Variants in SRSF9 observed in about 807,000 individuals in gnomAD.
SRSF9 encodes the protein serine and arginine rich splicing factor 9.
A neutral mutation model predicts 25.9 loss-of-function variants in SRSF9; 3 were observed. That is an observed-to-expected ratio of 0.12 (90% CI 0.05 to 0.30). The LOEUF (loss-of-function observed/expected upper bound fraction) is 0.30. SRSF9 is among the 10% of genes least tolerant of loss of function. SRSF9 has a pLI of 1.00. For missense variants in SRSF9, 161 were observed against 303.5 expected (o/e 0.53, Z 3.49); for synonymous variants, 114 against 113.2 (o/e 1.01, Z -0.05).
intron 3 of SRSF9, chr12:120,463,089 A>G (rs1198882449): frequency 6.6e-6 from 1 of 150,796 alleles, no homozygotes; most frequent in East Asian, 1.9e-4. Flanking sequence ...TAAATCTCAT[A>G]GTAAGGCAGG....
intron 1 of SRSF9, among the ~76,000 whole-genome samples, chr12:120,468,716 G>A (rs989897232): frequency 2.0e-5 from 3 of 152,228 alleles, no homozygotes; most frequent in African/African-American, 4.8e-5. Flanking sequence ...TTTCCGGCCT[G>A]AGGGCCGACG....
At chr12:120,468,563 C>T (rs1878542497) in intron 1 of SRSF9, among the ~76,000 whole-genome samples, 1 of 152,208 alleles carries the variant, frequency 6.6e-6, no homozygotes, top group South Asian at 2.1e-4. Flanking sequence ...AGGTCGGACA[C>T]CCTACGAACA....
At chr12:120,464,963 G>A (rs1878450564) in intron 2 of SRSF9, 1 of 152,162 alleles carries the variant, frequency 6.6e-6, no homozygotes. Context: ...TTAAGCACAT[G>A]GGAGTATGCT....
chr12:120,467,459 C>CCGCT (rs142715499), intron 1 of SRSF9, among the ~76,000 whole-genome samples: 3,537 of 152,188 alleles, frequency 0.023, 137 homozygotes, highest in African/African-American at 0.08. Context: ...TGAGACTGTG[C>CCGCT]CGCTACACTC....
In SRSF9 at chr12:120,465,807, CA is replaced by C. The variant is rs750811244; in HGVS notation, c.189-21del. 3.7e-5 allele frequency: 57 copies of C among 1,557,140 alleles called. No homozygotes were observed. The highest frequency in any genetic ancestry group is 3.4e-4 in the South Asian group (27 of 79,922). ...GCATCTCTAAAAAAAACAACAACAA[CA>C]AAAAAAACGTTTGGAGTTAGTGCTG... On this transcript the variant is annotated intron_variant, in intron 1 of 3. Coordinates refer to ENST00000229390, the MANE Select transcript of SRSF9 (RefSeq NM_003769.3).
At chr12:120,462,235 C>A (rs1268969921) in intron 3 of SRSF9, 73 bp from the exon 4 acceptor site, 9 of 1,487,924 alleles carry the variant, frequency 6.0e-6, no homozygotes, top group Non-Finnish European at 7.3e-6. Flanking sequence ...AAACCAACAT[C>A]TAACAATAAT....
chr12:120,463,796 A>C, intron 3 of SRSF9, 154 bp downstream of exon 3: 1 of 809,630 alleles, frequency 1.2e-6, no homozygotes, highest in Non-Finnish European at 1.9e-6. Flanking sequence ...TGAAGGACTT[A>C]GGCATAGCAA....
intron 1 of SRSF9, 102 bp downstream of exon 1, chr12:120,469,320 G>GCCTCA: frequency 1.4e-6 from 1 of 738,994 alleles, no homozygotes; most frequent in Non-Finnish European, 2.1e-6. Flanking sequence ...GGAGGCGGGG[G>GCCTCA]GAGGGGAGGC....
At chr12:120,462,619 CT>C (rs1878381427) in intron 3 of SRSF9, 1 of 153,054 alleles carries the variant, frequency 6.5e-6, no homozygotes, top group South Asian at 2.0e-4. Context: ...GAGCTAGATG[CT>C]TTAGACGTTA....
At chr12:120,467,950 C>A (rs985552708) in intron 1 of SRSF9, among the ~76,000 whole-genome samples, 7 of 134,164 alleles carry the variant, frequency 5.2e-5, no homozygotes, top group Non-Finnish European at 1.1e-4. Context: ...GAAAAATCAG[C>A]CAGGCATGAT....
At chr12:120,463,686 A>T (rs1353561401) in intron 3 of SRSF9, 1 of 320,190 alleles carries the variant, frequency 3.1e-6, no homozygotes, top group African/African-American at 2.1e-5. Context: ...CCAGGTTACA[A>T]ATACCATGAC....
chr12:120,466,879 T>C (rs78146063), intron 1 of SRSF9, among the ~76,000 whole-genome samples: 3,837 of 152,288 alleles, frequency 0.025, 163 homozygotes, highest in African/African-American at 0.087. Context: ...GGAGAACTAT[T>C]TTTGTCAAAA....
Position 120,461,798 on chromosome 12 carries a change from A to G in SRSF9, c.*221T>C. On this transcript the variant is annotated 3_prime_UTR_variant, in exon 4 of 4. Coordinates refer to ENST00000229390, the MANE Select transcript of SRSF9 (RefSeq NM_003769.3). The stretch of plus-strand genomic sequence containing the variant: ...TTTTTCCCATAATCAGGGGTGAAAA[A>G]TATACAACTTGTTTCTGAACCAAAA... 1 of 435,064 alleles carries G rather than the reference A, an allele frequency of 2.3e-6. No homozygotes were observed. Among genetic ancestry groups the G allele is most frequent in the Non-Finnish European group, 3.9e-6 (1 of 256,856 alleles). 27.0% of individuals were successfully genotyped at this position (435,064 alleles called of 1,614,324 possible).
At chr12:120,466,022 TG>T (rs1263287473) in intron 1 of SRSF9, among the ~76,000 whole-genome samples, 2 of 152,132 alleles carry the variant, frequency 1.3e-5, no homozygotes, top group Non-Finnish European at 2.9e-5. Context: ...GAAATTATAA[TG>T]AATGAGCAAA....
intron 1 of SRSF9, 122 bp from the exon 2 acceptor site, chr12:120,465,909 A>C (rs1411900097): frequency 1.1e-6 from 1 of 944,126 alleles, no homozygotes; most frequent in Non-Finnish European, 1.5e-6. Flanking sequence ...GTGAAGAAAA[A>C]AACACACAAA....
chr12:120,466,872 G>A (rs374405778), intron 1 of SRSF9, among the ~76,000 whole-genome samples: 25 of 152,290 alleles, frequency 1.6e-4, no homozygotes, highest in African/African-American at 5.5e-4. Context: ...ATGGTTTGGA[G>A]AACTATTTTT....
chr12:120,466,160 C>T (rs1878477911), intron 1 of SRSF9, among the ~76,000 whole-genome samples: 1 of 152,212 alleles, frequency 6.6e-6, no homozygotes, highest in South Asian at 2.1e-4. Context: ...AAGCACACCA[C>T]ACACTAACCC....
chr12:120,463,917 G>A, intron 3 of SRSF9, 33 bp downstream of exon 3: 1 of 1,574,320 alleles, frequency 6.4e-7, no homozygotes, highest in Non-Finnish European at 8.6e-7. Context: ...AGTGATTTGA[G>A]TACAAGCTCC....
intron 2 of SRSF9, chr12:120,465,371 C>T (rs565037556): frequency 6.3e-6 from 2 of 316,806 alleles, no homozygotes; most frequent in Non-Finnish European, 1.1e-5. Flanking sequence ...GTTTTCCCAT[C>T]ATCTTTCCTT....
Sources: gnomAD v4.1 joint callset for allele counts (sites outside exome capture counted in the v4.1 genomes callset) on GRCh38, gnomAD v4.1.1 for gene constraint, MANE v1.5 for transcripts, NCBI Gene and HGNC (gene_info 2026-07-23, HGNC 2026-07-21) for gene names.